Variants in TMPRSS7 observed in about 807,000 individuals in gnomAD.
The protein encoded by TMPRSS7 is transmembrane protease serine 7.
In TMPRSS7, 81 loss-of-function variants were observed where a neutral mutation model predicts 95.6. The ratio of observed to expected loss-of-function variants is 0.85; its 90% CI spans 0.71 to 1.02. The LOEUF (loss-of-function observed/expected upper bound fraction) is 1.02, where lower values mean the gene tolerates loss of function less well. Ranked by LOEUF, TMPRSS7 falls within the 50% of genes least tolerant of loss-of-function variation. The pLI is 0.00. For missense variants in TMPRSS7, 945 were observed against 955.2 expected (o/e 0.99, Z 0.14); for synonymous variants, 364 against 337.8 (o/e 1.08, Z -0.85).
At position 112,076,938 on chromosome 3, in the gene TMPRSS7, T is replaced by C. The variant is rs371040689; in HGVS notation, c.2018T>C (p.Phe673Ser). The C allele has an allele frequency of 8.7e-6, 14 of 1,614,076 alleles. No homozygotes were observed. The highest frequency in any genetic ancestry group is 1.2e-5 in the Non-Finnish European group (14 of 1,180,036). Reference sequence around the variant, plus strand: ...ATGTATGTTCAGGGGAATGCCAAGTTTGTCTCCCCGGTGAGAAGAATTGTG... The same window carrying C: ...ATGTATGTTCAGGGGAATGCCAAGTCTGTCTCCCCGGTGAGAAGAATTGTG... The change falls in exon 16 of 18, where the codon TTT (phenylalanine) becomes TCT (serine). Residue 673 changes from phenylalanine (F) to serine (S), a missense_variant. Transcript: ENST00000452346.
exon 5 of TMPRSS7, chr3:112,045,878 T>A: frequency 6.4e-7 from 1 of 1,551,916 alleles, no homozygotes; most frequent in Non-Finnish European, 8.7e-7. Context: ...ACAAGCATCA[T>A]AAACCGGACC....
At chr3:112,070,229 T>G (rs2073626170) in intron 13 of TMPRSS7, among the ~76,000 whole-genome samples, 1 of 152,218 alleles carries the variant, frequency 6.6e-6, no homozygotes, top group Non-Finnish European at 1.5e-5. Flanking sequence ...TTACATTTGT[T>G]GAGGAGTGCT....
Position 112,038,177 on chromosome 3 carries a change from C to A in TMPRSS7, c.154C>A (p.Gln52Lys), listed in dbSNP as rs1188566026. 4 of 702,534 alleles carry A rather than the reference C, an allele frequency of 5.7e-6. No homozygotes were observed. In the Admixed American group the frequency reaches 8.0e-5, roughly 14 times the overall value. The allele number at this position is 702,534 out of a possible 1,614,324, so 43.5% of individuals were successfully genotyped here. A position where few individuals can be genotyped will look rare whatever the true frequency, so the allele number is the denominator to read the frequency against. ...ACCATTGCCAGGAAGACGACCACCACAAAGACCCATTGGCAAAGCCAAACC... is the reference window on the plus strand; with the variant it reads ...ACCATTGCCAGGAAGACGACCACCAAAAAGACCCATTGGCAAAGCCAAACC... Residue 52 changes from glutamine (Q) to lysine (K), a missense_variant, in exon 2 of 18, where the codon CAA (glutamine) becomes AAA (lysine). Transcript: ENST00000452346.
intron 9 of TMPRSS7, among the ~76,000 whole-genome samples, chr3:112,055,406 G>A (rs982148788): frequency 1.3e-5 from 2 of 151,232 alleles, no homozygotes; most frequent in African/African-American, 2.4e-5. Flanking sequence ...GGTGAGGGGT[G>A]GTTTACTCTA....
intron 2 of TMPRSS7, 29 bp downstream of exon 2, chr3:112,038,350 G>T: frequency 1.4e-6 from 1 of 696,790 alleles, no homozygotes; most frequent in Non-Finnish European, 2.6e-6. Flanking sequence ...TTTCTTTGGG[G>T]TTAGGGCTTA....
intron 11 of TMPRSS7, among the ~76,000 whole-genome samples, chr3:112,062,474 C>T (rs1474980675): frequency 1.3e-5 from 2 of 151,998 alleles, no homozygotes; most frequent in African/African-American, 4.8e-5. Flanking sequence ...ATTAGAACTA[C>T]AGAGAGTGGG....
chr3:112,049,715 G>A, intron 7 of TMPRSS7, 129 bp from the exon 8 acceptor site: 1 of 707,614 alleles, frequency 1.4e-6, no homozygotes, highest in Admixed American at 3.4e-5. Context: ...CTGGCTGGGA[G>A]AGATTCCCAA....
chr3:112,036,060 T>A (rs193202969), intron 1 of TMPRSS7, among the ~76,000 whole-genome samples: 1 of 152,154 alleles, frequency 6.6e-6, no homozygotes, highest in African/African-American at 2.4e-5. Flanking sequence ...ATTTGTGCAG[T>A]TACAAATTGC....
At chr3:112,039,351 C>A (rs1189871237) in intron 2 of TMPRSS7, among the ~76,000 whole-genome samples, 6 of 152,302 alleles carry the variant, frequency 3.9e-5, no homozygotes, top group South Asian at 2.1e-4. Flanking sequence ...GTGATAGGAG[C>A]ATCTTTTGGT....
At chr3:112,079,537 AT>A (rs879560504) in intron 17 of TMPRSS7, among the ~76,000 whole-genome samples, 15 of 151,934 alleles carry the variant, frequency 9.9e-5, no homozygotes, top group Admixed American at 3.3e-4. Flanking sequence ...TTTTTTTGCA[AT>A]TTTTTTTAGC....
rs190490566 is a variant in TMPRSS7, at chr3:112,044,931, G to A, written c.497+609G>A. Among the ~76,000 whole-genome samples, 857 of 152,222 alleles carry A rather than the reference G, an allele frequency of 5.6e-3. 7 individuals carry two copies. Among genetic ancestry groups the A allele is most frequent in the African/African-American group, 0.02 (821 of 41,516 alleles). ...TTTCCTAAAACGTGGCAGTATTTAT[G>A]TCATTAGGAGCTCAGGCTCTGGGGG... is the stretch of plus-strand genomic sequence containing the variant. On this transcript the variant is annotated intron_variant, in intron 4 of 17. Coordinates refer to ENST00000452346, the Ensembl canonical transcript of TMPRSS7.
exon 16 of TMPRSS7, chr3:112,076,882 A>G: frequency 6.2e-7 from 1 of 1,613,810 alleles, no homozygotes; most frequent in Non-Finnish European, 8.5e-7. Context: ...TCAGGCTGTC[A>G]GATCCCACAC....
chr3:112,057,078 C>T, exon 10 of TMPRSS7: 1 of 1,613,038 alleles, frequency 6.2e-7, no homozygotes, highest in Non-Finnish European at 8.5e-7. Context: ...ATTCAATAAC[C>T]AAGAAGAGTA....
chr3:112,051,668 C>CTATCTATCT (rs61097993), intron 9 of TMPRSS7, among the ~76,000 whole-genome samples: 10,491 of 127,738 alleles, frequency 0.082, 444 homozygotes, highest in Non-Finnish European at 0.1. Context: ...ATCTATCTAT[C>CTATCTATCT]ATCTATCTAT....
intron 6 of TMPRSS7, chr3:112,047,403 T>C (rs991358810): frequency 1.1e-5 from 6 of 563,516 alleles, no homozygotes; most frequent in Non-Finnish European, 2.0e-5. Context: ...TGATTGCTCT[T>C]GCAGAAGTCC....
chr3:112,072,700 G>C (rs1447723560), intron 13 of TMPRSS7, among the ~76,000 whole-genome samples: 1 of 152,238 alleles, frequency 6.6e-6, no homozygotes, highest in Non-Finnish European at 1.5e-5. Context: ...CCTCAGCCAG[G>C]CTGCCGCCTG....
chr3:112,080,527 C>CACTACTACTACTACTACCACCACT (rs1553766161), intron 17 of TMPRSS7, among the ~76,000 whole-genome samples: 8 of 146,036 alleles, frequency 5.5e-5, no homozygotes, highest in African/African-American at 2.1e-4. Context: ...TTTTAGCCCT[C>CACTACTACTACTACTACCACCACT]ACTACTACTA....
chr3:112,058,235 TC>T (rs1469219751), intron 10 of TMPRSS7, among the ~76,000 whole-genome samples: 1 of 152,218 alleles, frequency 6.6e-6, no homozygotes, highest in Non-Finnish European at 1.5e-5. Flanking sequence ...AAATAACTGG[TC>T]CTGTCTTCAT....
chr3:112,050,234 C>T (rs1331976729), intron 8 of TMPRSS7, among the ~76,000 whole-genome samples: 2 of 152,038 alleles, frequency 1.3e-5, no homozygotes, highest in African/African-American at 2.4e-5. Flanking sequence ...ATGGATGTAA[C>T]ATGTGCAGAA....
Sources: gnomAD v4.1 joint callset for allele counts (sites outside exome capture counted in the v4.1 genomes callset) on GRCh38, gnomAD v4.1.1 for gene constraint, MANE v1.5 for transcripts, NCBI Gene and HGNC (gene_info 2026-07-23, HGNC 2026-07-21) for gene names.